The following ADSS1 variants were observed in gnomAD, a reference collection of about 807,000 sequenced individuals.
The protein encoded by ADSS1 is adenylosuccinate synthase 1, also known as adenylosuccinate synthetase isozyme 1.
Under a neutral mutation model 59.1 loss-of-function variants are expected in ADSS1, and 57 were observed. The ratio of observed to expected loss-of-function variants is 0.97; its 90% CI spans 0.78 to 1.20. ADSS1 has a LOEUF of 1.20. ADSS1 is among the 50% of genes most tolerant of loss of function. The pLI is 0.00. For missense variants in ADSS1, 603 were observed against 610.3 expected (o/e 0.99, Z 0.13); for synonymous variants, 247 against 249.4 (o/e 0.99, Z 0.09).
intron 9 of ADSS1, 106 bp downstream of exon 9, chr14:104,742,108 A>G: frequency 6.8e-7 from 1 of 1,460,750 alleles, no homozygotes; most frequent in African/African-American, 1.4e-5. Flanking sequence ...GGACCTTGCC[A>G]GTGCCATCTC....
intron 10 of ADSS1, chr14:104,743,574 C>T (rs1397206629): frequency 9.5e-6 from 2 of 210,196 alleles, no homozygotes; most frequent in African/African-American, 2.2e-5. Flanking sequence ...CTGCAGGCCC[C>T]TCTGCTTTCC....
In ADSS1 at chr14:104,724,299, G is replaced by T. The variant is rs1389192674; in HGVS notation, c.29G>T (p.Arg10Leu). 10 of 1,232,996 alleles carry T rather than the reference G, an allele frequency of 8.1e-6. No homozygotes were observed. The highest frequency in any genetic ancestry group is 9.1e-6 in the Non-Finnish European group (9 of 986,496). The allele number at this position is 1,232,996 out of a possible 1,614,324, so 76.4% of individuals were successfully genotyped here. Residue 10 changes from arginine (R) to leucine (L), a missense_variant, in exon 1 of 13, where the codon CGG (arginine) becomes CTG (leucine). By Grantham distance (102) the Arg-to-Leu change is moderately radical (BLOSUM62 -2). Coordinates refer to ENST00000330877, the MANE Select transcript of ADSS1 (RefSeq NM_152328.5). ...TCGGGGACCCGAGCCTCCAACGACC[G>T]GCCCCCCGGCGCAGGCGGCGTCAAG... MSGTRASND[R>L]PPGAGGVKRG...
intron 8 of ADSS1, 125 bp from the exon 9 acceptor site, chr14:104,741,723 C>T: frequency 8.0e-7 from 1 of 1,248,754 alleles, no homozygotes; most frequent in East Asian, 2.4e-5. Context: ...AGGCTGGCGA[C>T]CCCACGGAGG....
chr14:104,727,565 C>T (rs1215688159), intron 1 of ADSS1, among the ~76,000 whole-genome samples: 1 of 152,168 alleles, frequency 6.6e-6, no homozygotes, highest in Non-Finnish European at 1.5e-5. Context: ...CCTCTCTTCT[C>T]TCTGGGCACG....
chr14:104,724,417 G>T lies in ADSS1; in HGVS notation c.147G>T (p.Val49=), dbSNP rs972331395. 1 of 1,264,918 alleles carries T rather than the reference G, an allele frequency of 7.9e-7. No individual in the cohort carries two copies. The highest frequency in any genetic ancestry group is 1.0e-6 in the Non-Finnish European group (1 of 999,898). 78.4% of individuals were successfully genotyped at this position (1,264,918 alleles called of 1,614,324 possible). Residue 49 remains valine (V), a synonymous_variant, in exon 1 of 13, where the codon GTG becomes GTT. Coordinates refer to ENST00000330877, the MANE Select transcript of ADSS1 (RefSeq NM_152328.5). ...AQWGDEGKGK[V]VDLLATDADI... is the part of the protein sequence containing the mutation. Reference sequence around the variant, plus strand: ...GGGGGGACGAGGGCAAAGGCAAGGTGGTGGACCTGCTGGCCACGGACGCCG... The same window carrying T: ...GGGGGGACGAGGGCAAAGGCAAGGTTGTGGACCTGCTGGCCACGGACGCCG...
rs927986873 is a variant in ADSS1, at chr14:104,742,060, C to T, written c.948+58C>T. 28 of 1,594,836 alleles carry T rather than the reference C, an allele frequency of 1.8e-5. No individual in the cohort carries two copies. The Admixed American group carries it at 2.5e-4, about 14-fold the overall frequency. On this transcript the variant is annotated intron_variant, in intron 9 of 12. Coordinates refer to ENST00000330877, the MANE Select transcript of ADSS1 (RefSeq NM_152328.5). ...GGACAGGGAGGCCAGGCAGGGGTGCCGGGGGTGGGGTGAGCAGTGCCAGGG... is the reference window on the plus strand; with the variant it reads ...GGACAGGGAGGCCAGGCAGGGGTGCTGGGGGTGGGGTGAGCAGTGCCAGGG...
chr14:104,736,109 G>A (rs753400212), intron 2 of ADSS1, among the ~76,000 whole-genome samples: 8 of 152,218 alleles, frequency 5.3e-5, no homozygotes, highest in Non-Finnish European at 1.0e-4. Context: ...TGTGGTCAGG[G>A]GCTGAGCTGG....
At chr14:104,745,191 A>T in intron 11 of ADSS1, 3 of 372,480 alleles carry the variant, frequency 8.1e-6, no homozygotes, top group Non-Finnish European at 1.5e-5. Context: ...ACCCTGGGGG[A>T]CCTTCAGCTG....
At chr14:104,731,020 C>G (rs989092749) in intron 1 of ADSS1, among the ~76,000 whole-genome samples, 21 of 146,900 alleles carry the variant, frequency 1.4e-4, no homozygotes, top group African/African-American at 5.0e-4. Flanking sequence ...CCCAAGCCTG[C>G]ACCACAGAGG....
intron 5 of ADSS1, 67 bp downstream of exon 5, chr14:104,739,883 G>A (rs1891275320): frequency 1.3e-6 from 2 of 1,555,694 alleles, no homozygotes; most frequent in East Asian, 4.5e-5. Context: ...AGACTGTGGG[G>A]CGTGTCTGGT....
intron 1 of ADSS1, among the ~76,000 whole-genome samples, chr14:104,728,569 T>C (rs57430375): frequency 0.44 from 67,008 of 152,062 alleles, 15,214 homozygotes; most frequent in East Asian, 0.61. Context: ...GTGAACCCAC[T>C]GCACCACACT....
Position 104,741,849 on chromosome 14 carries a change from G to A in ADSS1, c.795G>A (p.Gly265=), listed in dbSNP as rs1220674745. 2.5e-6 allele frequency: 4 copies of A among 1,613,092 alleles called. No homozygotes were observed. Among genetic ancestry groups the A allele is most frequent in the Non-Finnish European group, 3.4e-6 (4 of 1,179,952 alleles). ...ANAALLDIDF[G]TYPFVTSSNC... ...CCCTAAACCTGCTCTGTCTTGCAGGGACCTACCCCTTTGTGACTTCATCCA... is the reference window on the plus strand; with the variant it reads ...CCCTAAACCTGCTCTGTCTTGCAGGAACCTACCCCTTTGTGACTTCATCCA... The change falls in exon 9 of 13, where the codon GGG becomes GGA. Residue 265 remains glycine (G), a splice_region_variant and synonymous_variant. Coordinates refer to ENST00000330877, the MANE Select transcript of ADSS1 (RefSeq NM_152328.5).
At position 104,740,878 on chromosome 14, in the gene ADSS1, C is replaced by T; in HGVS notation, c.624C>T (p.Pro208=). ...CCCACCAGCACCAGTCGATGTTCCC[C>T]ACCCTGGAAATAGACATTGAAGGCC... ...NLAHQHQSMF[P]TLEIDIEGQL... The change falls in exon 7 of 13, where the codon CCC becomes CCT. Residue 208 remains proline, a synonymous_variant. Transcript: ENST00000330877. This position sits in a 1 kb window ranked among gnomAD's most constrained non-coding sequence, Gnocchi z 4.8. 1.2e-6 allele frequency: 2 copies of T among 1,613,962 alleles called. No individual in the cohort carries two copies. The highest frequency in any genetic ancestry group is 1.7e-6 in the Non-Finnish European group (2 of 1,180,028).
Position 104,740,469 on chromosome 14 carries a change from A to T in ADSS1, c.477-132A>T. 1 of 778,726 alleles carries T rather than the reference A, an allele frequency of 1.3e-6. No homozygotes were observed. Among genetic ancestry groups the T allele is most frequent in the Non-Finnish European group, 2.1e-6 (1 of 467,484 alleles). 48.2% of individuals were successfully genotyped at this position (778,726 alleles called of 1,614,324 possible). ...CGTACACCCACACACGCACACACTC[A>T]CAGCTCAGCCAGACACAGGCAGCAA... On this transcript the variant is annotated intron_variant, in intron 5 of 12. Coordinates refer to ENST00000330877, the MANE Select transcript of ADSS1 (RefSeq NM_152328.5). This position sits in a 1 kb window ranked among gnomAD's most constrained non-coding sequence, Gnocchi z 4.8.
chr14:104,735,006 G>A lies in ADSS1; in HGVS notation c.193-14G>A, dbSNP rs891718199. ...TACCCAAGTGCCTTCAGCTCAGCCGGGTTTCTGTTCCAGGGGGGCAACAAC... is the reference window on the plus strand; with the variant it reads ...TACCCAAGTGCCTTCAGCTCAGCCGAGTTTCTGTTCCAGGGGGGCAACAAC... On this transcript the variant is annotated splice_polypyrimidine_tract_variant and intron_variant, in intron 1 of 12. Transcript: ENST00000330877. 1 of 1,610,656 alleles carries A rather than the reference G, an allele frequency of 6.2e-7. No individual in the cohort carries two copies. Among genetic ancestry groups the A allele is most frequent in the Non-Finnish European group, 8.5e-7 (1 of 1,177,398 alleles).
At chr14:104,729,956 C>G in intron 1 of ADSS1, 1 of 1,585,526 alleles carries the variant, frequency 6.3e-7, no homozygotes, top group Non-Finnish European at 8.6e-7. Context: ...GCCCACGAAC[C>G]TGGCCCTGAC....
rs12894569 is a variant in ADSS1, at chr14:104,740,703, C to T, written c.579C>T (p.Ser193=). 0.11 allele frequency: 182,795 copies of T among 1,613,772 alleles called. 10,805 individuals carry two copies. The highest frequency in any genetic ancestry group is 0.14 in the Admixed American group (8,119 of 60,014). Residue 193 remains serine (S), a synonymous_variant, in exon 6 of 13, where the codon TCC becomes TCT. Transcript: ENST00000330877. The surrounding 1 kb of genome is among the most constrained non-coding windows in gnomAD (Gnocchi z 4.8). The stretch of plus-strand genomic sequence containing the variant: ...TCCTGTCAGATTTTGATGAGTTTTC[C>T]TCCAGGTACCTGAGCCGTCTGCAGT... ...CDLLSDFDEF[S]SRFKNLAHQH... is the part of the protein sequence containing the mutation.
In ADSS1 at chr14:104,739,775, C is replaced by T. The variant is rs146144477; in HGVS notation, c.435C>T (p.Asp145=). ...HLVFDFHQAV[D]GLQEVQRQAQ... ...TGTTTGATTTTCACCAGGCTGTCGA[C>T]GGACTTCAGGAAGTGCAGCGCCAGG... The change falls in exon 5 of 13, where the codon GAC becomes GAT. Residue 145 remains aspartate (D), a synonymous_variant. Transcript: ENST00000330877. 5.6e-6 allele frequency: 9 copies of T among 1,613,786 alleles called. No individual in the cohort carries two copies. The highest frequency in any genetic ancestry group is 2.7e-5 in the African/African-American group (2 of 74,900).
At chr14:104,735,769 A>G (rs1372609363) in intron 2 of ADSS1, among the ~76,000 whole-genome samples, 1 of 151,856 alleles carries the variant, frequency 6.6e-6, no homozygotes, top group Non-Finnish European at 1.5e-5. Flanking sequence ...CTCTGTCCCC[A>G]GGGTTCCGTG....
Sources: allele counts gnomAD v4.1 joint callset (sites outside exome capture counted in the v4.1 genomes callset), GRCh38; gene constraint gnomAD v4.1.1; non-coding constraint Gnocchi (gnomAD v3.1); transcripts MANE v1.5; gene names NCBI Gene and HGNC (gene_info 2026-07-23, HGNC 2026-07-21).